The following PSD3 variants were observed in gnomAD, a reference collection of about 807,000 sequenced individuals.
PSD3 encodes the protein pleckstrin and Sec7 domain containing 3, also known as PH and SEC7 domain-containing protein 3.
Under a neutral mutation model 105.5 loss-of-function variants are expected in PSD3, and 49 were observed. The observed-to-expected ratio is 0.46, with a 90% CI of 0.37 to 0.59. The LOEUF is 0.59. Ranked by LOEUF, PSD3 falls within the 20% of genes least tolerant of loss-of-function variation. PSD3 has a pLI of 0.00. For missense variants in PSD3, 1,561 were observed against 1,263.8 expected, an observed-to-expected ratio of 1.24 and a Z score of -3.57; for synonymous variants, 557 against 457.8, an observed-to-expected ratio of 1.22 and a Z score of -2.77.
intron 1 of PSD3, among the ~76,000 whole-genome samples, chr8:19,002,119 T>C (rs982942066): frequency 6.6e-6 from 1 of 151,928 alleles, no homozygotes; most frequent in Non-Finnish European, 1.5e-5. Context: ...AAAAGGAACA[T>C]CCCTTGAAGG....
At chr8:18,992,808 T>TTC in intron 1 of PSD3, among the ~76,000 whole-genome samples, 2 of 119,532 alleles carry the variant, frequency 1.7e-5, no homozygotes, top group Non-Finnish European at 4.1e-5. Flanking sequence ...CCTTAATTCA[T>TTC]TTTCTTTCTG....
At chr8:18,773,251 T>A (rs1807715368) in intron 8 of PSD3, among the ~76,000 whole-genome samples, 1 of 152,224 alleles carries the variant, frequency 6.6e-6, no homozygotes, top group South Asian at 2.1e-4. Context: ...GTATTCACAC[T>A]ACCATTTTTT....
At chr8:18,851,121 A>G (rs1306561928) in intron 4 of PSD3, among the ~76,000 whole-genome samples, 1 of 152,210 alleles carries the variant, frequency 6.6e-6, no homozygotes, top group Non-Finnish European at 1.5e-5. Flanking sequence ...AACATCCAAT[A>G]AGATAAACAA....
chr8:18,887,631 T>C (rs1818525212), intron 2 of PSD3, among the ~76,000 whole-genome samples: 1 of 152,168 alleles, frequency 6.6e-6, no homozygotes, highest in South Asian at 2.1e-4. Flanking sequence ...TGGCTATTAA[T>C]ACAAATATTA....
chr8:18,804,432 A>T (rs1345533348), intron 6 of PSD3, 90 bp downstream of exon 6: 4 of 1,189,104 alleles, frequency 3.4e-6, no homozygotes, highest in Non-Finnish European at 3.6e-6. Flanking sequence ...TAAAAAAAAA[A>T]AATAAGATTC....
At chr8:18,774,096 C>T (rs1488679933) in intron 8 of PSD3, among the ~76,000 whole-genome samples, 1 of 152,018 alleles carries the variant, frequency 6.6e-6, no homozygotes, top group Non-Finnish European at 1.5e-5. Context: ...GTCTTTAGTC[C>T]TAATAGGTTT....
chr8:18,631,651 A>G (rs571276487), intron 11 of PSD3, among the ~76,000 whole-genome samples: 2 of 152,010 alleles, frequency 1.3e-5, no homozygotes, highest in South Asian at 4.1e-4. Flanking sequence ...ATGTTGTGGG[A>G]TAAAATTAAG....
intron 4 of PSD3, among the ~76,000 whole-genome samples, chr8:18,837,343 C>A (rs1050383949): frequency 6.6e-6 from 1 of 152,148 alleles, no homozygotes; most frequent in African/African-American, 2.4e-5. Context: ...CAAGCCAATA[C>A]TATGACACCA....
intron 8 of PSD3, chr8:18,799,062 C>T (rs4921615): frequency 1.9e-4 from 90 of 472,002 alleles, no homozygotes; most frequent in Non-Finnish European, 3.0e-4. Context: ...AGAACACACA[C>T]ATTACTGCTA....
At chr8:18,838,566 C>T (rs898702842) in intron 4 of PSD3, among the ~76,000 whole-genome samples, 10 of 151,962 alleles carry the variant, frequency 6.6e-5, no homozygotes, top group African/African-American at 2.2e-4. Flanking sequence ...CTTTGGGAGG[C>T]CGAGGCGGGC....
chr8:18,833,712 A>C (rs1813866025), intron 4 of PSD3, among the ~76,000 whole-genome samples: 1 of 152,218 alleles, frequency 6.6e-6, no homozygotes, highest in Non-Finnish European at 1.5e-5. Context: ...ACAGTGTAAG[A>C]CATGTGCTAC....
intron 10 of PSD3, among the ~76,000 whole-genome samples, chr8:18,654,277 T>C (rs1808726878): frequency 6.6e-6 from 1 of 152,200 alleles, no homozygotes; most frequent in Admixed American, 6.5e-5. Flanking sequence ...TTATATGTAA[T>C]ACACAGTCAA....
At chr8:19,038,465 GTCTA>G (rs1213886871) in intron 1 of PSD3, among the ~76,000 whole-genome samples, 3 of 151,652 alleles carry the variant, frequency 2.0e-5, no homozygotes, top group African/African-American at 4.8e-5. Flanking sequence ...TTATCTATTT[GTCTA>G]TCTATTTGTT....
At chr8:18,981,834 C>G (rs1825267184) in intron 1 of PSD3, among the ~76,000 whole-genome samples, 1 of 152,204 alleles carries the variant, frequency 6.6e-6, no homozygotes, top group South Asian at 2.1e-4. Flanking sequence ...AAGTTGTAAT[C>G]TTTTTGCTGA....
intron 14 of PSD3, among the ~76,000 whole-genome samples, chr8:18,557,143 A>G (rs1801130616): frequency 6.6e-6 from 1 of 152,208 alleles, no homozygotes. Context: ...CATTTTAAAA[A>G]CATTCTTGGA....
chr8:18,817,575 T>C (rs964045604), intron 4 of PSD3, among the ~76,000 whole-genome samples: 7 of 152,216 alleles, frequency 4.6e-5, no homozygotes, highest in Non-Finnish European at 7.3e-5. Flanking sequence ...AAAGGAAAAG[T>C]CAAACAACTG....
chr8:18,617,140 T>A (rs948665990), intron 11 of PSD3, among the ~76,000 whole-genome samples: 2 of 152,182 alleles, frequency 1.3e-5, no homozygotes, highest in Admixed American at 1.3e-4. Flanking sequence ...ATGGGGAAGT[T>A]TTTTTCCTGG....
intron 4 of PSD3, among the ~76,000 whole-genome samples, chr8:18,820,414 A>G (rs1812597941): frequency 6.6e-6 from 1 of 152,174 alleles, no homozygotes; most frequent in African/African-American, 2.4e-5. Context: ...TACTGGTTCT[A>G]GAACACTCCC....
At chr8:18,820,309 A>C (rs1302290173) in intron 4 of PSD3, among the ~76,000 whole-genome samples, 13 of 151,910 alleles carry the variant, frequency 8.6e-5, no homozygotes, top group Non-Finnish European at 1.9e-4. Context: ...ATAAATTAAG[A>C]TACTGACTTA....
Sources: allele counts gnomAD v4.1 joint callset (sites outside exome capture counted in the v4.1 genomes callset), GRCh38; gene constraint gnomAD v4.1.1; transcripts MANE v1.5; gene names NCBI Gene and HGNC (gene_info 2026-07-23, HGNC 2026-07-21).